The following GLIS3 variants were observed in gnomAD, a reference collection of about 807,000 sequenced individuals.
GLIS3 encodes the protein zinc finger protein GLIS3.
GLIS3 carries 53 observed loss-of-function variants against 78.6 expected under a neutral mutation model. That is an observed-to-expected ratio of 0.67 (90% confidence interval 0.54 to 0.85). The LOEUF is 0.85. GLIS3 is among the 40% of genes least tolerant of loss of function. The pLI is 0.00. For synonymous variants in GLIS3, 684 were observed against 509.9 expected, an observed-to-expected ratio of 1.34 and a Z score of -4.60; for missense variants, 1,703 against 1,231.1, an observed-to-expected ratio of 1.38 and a Z score of -5.74.
At chr9:4,263,924 T>A (rs1441241414) in intron 2 of GLIS3, among the ~76,000 whole-genome samples, 3 of 152,158 alleles carry the variant, frequency 2.0e-5, no homozygotes, top group Non-Finnish European at 4.4e-5. Flanking sequence ...ATTTTCTCCA[T>A]CCTCACTCCC....
At chr9:3,847,116 A>C (rs1230621723) in intron 9 of GLIS3, among the ~76,000 whole-genome samples, 1 of 152,178 alleles carries the variant, frequency 6.6e-6, no homozygotes, top group Non-Finnish European at 1.5e-5. Context: ...CCCGGGAGGC[A>C]GAGGTTGCAG....
intron 2 of GLIS3, among the ~76,000 whole-genome samples, chr9:4,220,110 G>A (rs1421448478): frequency 6.6e-6 from 1 of 151,868 alleles, no homozygotes; most frequent in African/African-American, 2.4e-5. Flanking sequence ...GACTAAACAG[G>A]GACATTTTTA....
At chr9:4,183,520 C>A (rs937924352) in intron 2 of GLIS3, among the ~76,000 whole-genome samples, 1 of 152,166 alleles carries the variant, frequency 6.6e-6, no homozygotes, top group African/African-American at 2.4e-5. Flanking sequence ...ATCCTGAAAG[C>A]CTATGAATTT....
chr9:4,085,481 C>T lies in GLIS3; in HGVS notation c.1710+32287G>A, dbSNP rs369490507. The stretch of plus-strand genomic sequence containing the variant: ...CCACCCTCTCATTTTATCCTGTCCA[C>T]GTGATAGCCAGAATTAAAATCCCCA... On this transcript the variant is annotated intron_variant, in intron 4 of 10. Coordinates refer to ENST00000381971, the MANE Select transcript of GLIS3 (RefSeq NM_001042413.2). 2.6e-5 allele frequency among the ~76,000 whole-genome samples: 4 copies of T among 152,232 alleles called. No individual in the cohort carries two copies. In the East Asian group the frequency reaches 5.8e-4, roughly 22 times the overall value.
intron 2 of GLIS3, among the ~76,000 whole-genome samples, chr9:4,229,072 G>C (rs1452972666): frequency 6.6e-6 from 1 of 152,072 alleles, no homozygotes; most frequent in Non-Finnish European, 1.5e-5. Context: ...TTAGTTGTTA[G>C]GTGTAAAAAA....
the GLIS3 span, among the ~76,000 whole-genome samples, chr9:4,475,551 A>G: frequency 5.9e-5 from 9 of 152,234 alleles, no homozygotes; most frequent in African/African-American, 9.6e-5. Context: ...ACAGTGTAGT[A>G]TTCTGCAGCA....
At chr9:4,416,836 T>TA in the GLIS3 span, among the ~76,000 whole-genome samples, 7 of 149,670 alleles carry the variant, frequency 4.7e-5, no homozygotes, top group East Asian at 3.9e-4. Flanking sequence ...TTTTTTTTTT[T>TA]AGATGGAGTT....
At chr9:4,468,706 T>A in the GLIS3 span, among the ~76,000 whole-genome samples, 4 of 152,164 alleles carry the variant, frequency 2.6e-5, no homozygotes, top group Non-Finnish European at 5.9e-5. Context: ...AGACCACTAA[T>A]GCTAGGAAGA....
At chr9:3,975,725 G>A (rs1818729792) in intron 4 of GLIS3, among the ~76,000 whole-genome samples, 1 of 151,998 alleles carries the variant, frequency 6.6e-6, no homozygotes, top group African/African-American at 2.4e-5. Context: ...ACTGGTTTTT[G>A]TCCATCGTGA....
At chr9:4,444,528 CCAA>C in the GLIS3 span, among the ~76,000 whole-genome samples, 16,441 of 152,206 alleles carry the variant, frequency 0.11, 944 homozygotes, top group South Asian at 0.18. Context: ...CTTTTGTATT[CCAA>C]CAACTTCAAA....
intron 2 of GLIS3, among the ~76,000 whole-genome samples, chr9:4,208,367 T>C (rs1054749121): frequency 5.3e-5 from 8 of 152,172 alleles, no homozygotes; most frequent in Non-Finnish European, 8.8e-5. Flanking sequence ...AGTGGGCACA[T>C]CTCCCTGCAG....
intron 6 of GLIS3, among the ~76,000 whole-genome samples, chr9:3,908,706 G>GTTTTTGTTTTT (rs1823893446): frequency 2.3e-5 from 2 of 85,552 alleles, no homozygotes; most frequent in African/African-American, 1.1e-4. Context: ...ATTTGTATTT[G>GTTTTTGTTTTT]TTTTTTTTTT....
At chr9:4,162,261 T>G (rs1436036365) in intron 2 of GLIS3, among the ~76,000 whole-genome samples, 1 of 152,104 alleles carries the variant, frequency 6.6e-6, no homozygotes, top group South Asian at 2.1e-4. Flanking sequence ...CCCACTCTAA[T>G]CCGGTATGAC....
chr9:4,449,263 G>A, the GLIS3 span, among the ~76,000 whole-genome samples: 1 of 152,196 alleles, frequency 6.6e-6, no homozygotes, highest in African/African-American at 2.4e-5. Context: ...AGCCTGCCAG[G>A]GAGAGGGGCA....
At chr9:4,115,270 G>T (rs1433202582) in intron 4 of GLIS3, among the ~76,000 whole-genome samples, 8 of 152,084 alleles carry the variant, frequency 5.3e-5, no homozygotes, top group Admixed American at 5.2e-4. Flanking sequence ...AAATGGCCCG[G>T]CTCTTATCAT....
intron 2 of GLIS3, among the ~76,000 whole-genome samples, chr9:4,199,883 C>A (rs913381861): frequency 2.0e-5 from 3 of 152,116 alleles, no homozygotes; most frequent in Admixed American, 6.5e-5. Context: ...AAGGAACATA[C>A]TCCAAAGCCA....
At chr9:3,996,144 C>A (rs1820731126) in intron 4 of GLIS3, among the ~76,000 whole-genome samples, 1 of 152,102 alleles carries the variant, frequency 6.6e-6, no homozygotes, top group Non-Finnish European at 1.5e-5. Flanking sequence ...AACTGTCTAT[C>A]AAAATTGCAT....
At chr9:4,333,545 T>C (rs562443054) in intron 2 of GLIS3, among the ~76,000 whole-genome samples, 39 of 152,292 alleles carry the variant, frequency 2.6e-4, no homozygotes, top group African/African-American at 9.4e-4. Flanking sequence ...CCTTTCAACA[T>C]TGCTCTGGGC....
intron 4 of GLIS3, among the ~76,000 whole-genome samples, chr9:3,985,135 A>C (rs958577398): frequency 6.6e-6 from 1 of 151,562 alleles, no homozygotes; most frequent in Non-Finnish European, 1.5e-5. Flanking sequence ...CATTTCAGTC[A>C]AAATTATTAT....
Sources: allele counts gnomAD v4.1 joint callset (sites outside exome capture counted in the v4.1 genomes callset), GRCh38; gene constraint gnomAD v4.1.1; transcripts MANE v1.5; gene names NCBI Gene and HGNC (gene_info 2026-07-23, HGNC 2026-07-21).